The following TASP1 variants were observed in gnomAD, a reference collection of about 807,000 sequenced individuals.
The protein encoded by TASP1 is taspase 1.
A neutral mutation model predicts 56.6 loss-of-function variants in TASP1; 16 were observed. The observed-to-expected ratio is 0.28, with a 90% confidence interval of 0.19 to 0.43. The LOEUF is 0.43. TASP1 is among the 20% of genes least tolerant of loss of function. The probability of loss-of-function intolerance (pLI) is 1.00; values close to 1 mark genes in which losing one functional copy is unlikely to be tolerated. For synonymous variants in TASP1, 179 were observed against 184.2 expected, an observed-to-expected ratio of 0.97 and a Z score of 0.23; for missense variants, 393 against 511.6, an observed-to-expected ratio of 0.77 and a Z score of 2.24.
the TASP1 span, among the ~76,000 whole-genome samples, chr20:13,190,133 C>T: frequency 2.0e-4 from 31 of 152,208 alleles, no homozygotes; most frequent in African/African-American, 7.2e-4. Flanking sequence ...AGGAACAATA[C>T]ACAGTGGGGA....
chr20:13,137,468 G>A, the TASP1 span, among the ~76,000 whole-genome samples: 2 of 151,888 alleles, frequency 1.3e-5, no homozygotes, highest in African/African-American at 4.8e-5. Context: ...TTAAATTATG[G>A]TGTTATAATA....
chr20:13,531,166 T>C (rs1252472562), intron 9 of TASP1, among the ~76,000 whole-genome samples: 4 of 152,184 alleles, frequency 2.6e-5, no homozygotes, highest in African/African-American at 7.2e-5. Context: ...CATTTTGACA[T>C]TGAATCTTCT....
intron 6 of TASP1, among the ~76,000 whole-genome samples, chr20:13,580,437 A>G (rs529095875): frequency 6.6e-6 from 1 of 152,250 alleles, no homozygotes; most frequent in South Asian, 2.1e-4. Flanking sequence ...ACAGAGTGAG[A>G]CCCTGTCTCA....
At chr20:13,427,497 A>T (rs922564365) in intron 12 of TASP1, among the ~76,000 whole-genome samples, 3 of 152,244 alleles carry the variant, frequency 2.0e-5, no homozygotes, top group African/African-American at 7.2e-5. Flanking sequence ...AAATTTTCAT[A>T]TAATAAATCA....
chr20:13,565,229 T>TA (rs916208841), intron 7 of TASP1, among the ~76,000 whole-genome samples: 2 of 151,852 alleles, frequency 1.3e-5, no homozygotes, highest in African/African-American at 4.8e-5. Context: ...TTATACCATA[T>TA]AAAAAAATTA....
At chr20:13,173,327 C>A in the TASP1 span, among the ~76,000 whole-genome samples, 1 of 152,166 alleles carries the variant, frequency 6.6e-6, no homozygotes, top group Non-Finnish European at 1.5e-5. Context: ...CAGATGAAAT[C>A]TTATAAGCTT....
intron 4 of TASP1, among the ~76,000 whole-genome samples, chr20:13,590,465 A>G (rs930503050): frequency 6.6e-6 from 1 of 152,244 alleles, no homozygotes; most frequent in Non-Finnish European, 1.5e-5. Flanking sequence ...CGAATTAGCA[A>G]ACAATTTTAA....
chr20:13,320,056 G>A, the TASP1 span, among the ~76,000 whole-genome samples: 1 of 152,230 alleles, frequency 6.6e-6, no homozygotes, highest in South Asian at 2.1e-4. Context: ...CCCAAAGTCA[G>A]AAACTGGGGT....
chr20:13,590,735 GCT>G (rs1568621919), intron 4 of TASP1, among the ~76,000 whole-genome samples: 1 of 151,938 alleles, frequency 6.6e-6, no homozygotes, highest in Non-Finnish European at 1.5e-5. Context: ...GCATGGTGGT[GCT>G]CACCTGTAAT....
chr20:13,163,832 T>C, the TASP1 span, among the ~76,000 whole-genome samples: 3 of 152,138 alleles, frequency 2.0e-5, no homozygotes, highest in Admixed American at 2.0e-4. Context: ...AAAAACAGGC[T>C]CAGAAAGGTT....
the TASP1 span, among the ~76,000 whole-genome samples, chr20:13,246,315 A>G: frequency 6.6e-6 from 1 of 151,798 alleles, no homozygotes; most frequent in Non-Finnish European, 1.5e-5. Flanking sequence ...CGAGGTAGAA[A>G]TGGGCCCACT....
At chr20:13,363,598 T>C in the TASP1 span, among the ~76,000 whole-genome samples, 3 of 152,212 alleles carry the variant, frequency 2.0e-5, no homozygotes, top group South Asian at 2.1e-4. Flanking sequence ...GTCAGAAGTC[T>C]AAGTGACAAC....
chr20:13,203,605 G>A, the TASP1 span, among the ~76,000 whole-genome samples: 9 of 152,134 alleles, frequency 5.9e-5, no homozygotes, highest in African/African-American at 1.4e-4. Context: ...ATGACAATTC[G>A]GAAAAGCAAT....
intron 12 of TASP1, among the ~76,000 whole-genome samples, chr20:13,432,632 C>T (rs951235988): frequency 2.0e-5 from 3 of 152,096 alleles, no homozygotes; most frequent in African/African-American, 7.2e-5. Flanking sequence ...AGTTAATGAA[C>T]GGCAAGGTTT....
chr20:13,447,068 T>A (rs151253155), intron 11 of TASP1, among the ~76,000 whole-genome samples: 3 of 152,176 alleles, frequency 2.0e-5, no homozygotes, highest in African/African-American at 7.2e-5. Flanking sequence ...ACAGAGTTGA[T>A]GAATCAATCA....
chr20:13,602,694 A>T (rs1182980698), intron 4 of TASP1, among the ~76,000 whole-genome samples: 1 of 152,186 alleles, frequency 6.6e-6, no homozygotes, highest in Middle Eastern at 3.4e-3. Flanking sequence ...TAGATCCCTC[A>T]CATGTGCAGT....
chr20:13,343,981 C>T, the TASP1 span, among the ~76,000 whole-genome samples: 15,796 of 152,062 alleles, frequency 0.1, 994 homozygotes, highest in Admixed American at 0.2. Flanking sequence ...CTTCCTGTCA[C>T]TCCCCACTGA....
At chr20:13,179,337 G>A in the TASP1 span, among the ~76,000 whole-genome samples, 3 of 151,000 alleles carry the variant, frequency 2.0e-5, no homozygotes, top group Admixed American at 6.6e-5. Context: ...ACATGTATTC[G>A]TATAAATGCA....
At chr20:13,362,104 C>T in the TASP1 span, among the ~76,000 whole-genome samples, 1 of 150,154 alleles carries the variant, frequency 6.7e-6, no homozygotes, top group Non-Finnish European at 1.5e-5. Flanking sequence ...TCCCACGCCG[C>T]CCCTAATCCC....
Sources: allele counts gnomAD v4.1 joint callset (sites outside exome capture counted in the v4.1 genomes callset), GRCh38; gene constraint gnomAD v4.1.1; transcripts MANE v1.5; gene names NCBI Gene and HGNC (gene_info 2026-07-23, HGNC 2026-07-21).